Variants in TMEM40 observed in about 807,000 individuals in gnomAD.
The protein encoded by TMEM40 is transmembrane protein 40.
TMEM40 carries 34 observed loss-of-function variants against 40.8 expected under a neutral mutation model. That is an observed-to-expected ratio of 0.83 (90% CI 0.63 to 1.11). The LOEUF (loss-of-function observed/expected upper bound fraction) is 1.11, where lower values mean the gene tolerates loss of function less well. Among genes scored for constraint, TMEM40 ranks in the 50% least tolerant of loss-of-function variants. The pLI, the probability that TMEM40 is intolerant of heterozygous loss-of-function variation, is 0.00. For missense variants in TMEM40, 296 were observed against 280.2 expected (o/e 1.06, Z -0.40); for synonymous variants, 106 against 107.0 (o/e 0.99, Z 0.06).
In TMEM40 at chr3:12,736,626, G is replaced by C. The variant is rs2061339693; in HGVS notation, c.571C>G (p.Leu191Val). ...ADWFMSLGVG[L>V]LTFASLETVG... ...GTTTCCAGGGAGGCGAAGGTGAGCA[G>C]GCCGACCCCAAGAGACATGAACCAG... The change falls in exon 10 of 12, where the codon CTG becomes GTG. Residue 191 changes from leucine (L) to valine (V), a missense_variant. Transcript: ENST00000314124. 6.3e-7 allele frequency: 1 copy of C among 1,583,244 alleles called. No individual in the cohort carries two copies. Among genetic ancestry groups the C allele is most frequent in the Non-Finnish European group, 8.6e-7 (1 of 1,164,476 alleles).
intron 11 of TMEM40, among the ~76,000 whole-genome samples, chr3:12,735,077 C>T (rs1280469986): frequency 6.6e-6 from 1 of 152,168 alleles, no homozygotes; most frequent in Admixed American, 6.6e-5. Flanking sequence ...AGACGATGTG[C>T]TTTCGCCCAG....
At chr3:12,741,077 C>A (rs2061378499) in intron 5 of TMEM40, among the ~76,000 whole-genome samples, 1 of 152,228 alleles carries the variant, frequency 6.6e-6, no homozygotes, top group African/African-American at 2.4e-5. Flanking sequence ...GGCTTCTAGA[C>A]CTACCAGGCT....
intron 3 of TMEM40, among the ~76,000 whole-genome samples, chr3:12,746,909 G>T (rs1378407303): frequency 6.6e-6 from 1 of 152,074 alleles, no homozygotes; most frequent in South Asian, 2.1e-4. Context: ...TCCTGCCCAG[G>T]GAGGAGAAAC....
intron 1 of TMEM40, among the ~76,000 whole-genome samples, chr3:12,757,123 C>T (rs943036012): frequency 4.6e-5 from 7 of 152,100 alleles, no homozygotes; most frequent in Admixed American, 2.0e-4. Context: ...ACAGAGGATT[C>T]GAATAGACAT....
chr3:12,736,033 C>T (rs1575728690), intron 10 of TMEM40, among the ~76,000 whole-genome samples: 2 of 152,214 alleles, frequency 1.3e-5, no homozygotes, highest in Middle Eastern at 3.4e-3. Context: ...GCCTCTTTGG[C>T]ACTTTAAACT....
At chr3:12,753,191 TTTTCTTTC>T (rs1244573677) in intron 1 of TMEM40, among the ~76,000 whole-genome samples, 2 of 143,096 alleles carry the variant, frequency 1.4e-5, no homozygotes. Flanking sequence ...TTTTTGCCTT[TTTTCTTTC>T]TTTCTTTCTT....
At chr3:12,740,546 CA>C (rs780832284) in intron 5 of TMEM40, among the ~76,000 whole-genome samples, 748 of 47,486 alleles carry the variant, frequency 0.016, 2 homozygotes, top group Middle Eastern at 0.047. Context: ...CTAAAAATAC[CA>C]AAAAAAAAAA....
At chr3:12,740,520 T>C (rs1252889040) in intron 5 of TMEM40, among the ~76,000 whole-genome samples, 5 of 132,492 alleles carry the variant, frequency 3.8e-5, no homozygotes, top group Non-Finnish European at 7.8e-5. Context: ...GCTAACACGG[T>C]GAAACCCCAT....
chr3:12,756,362 G>A (rs1356355401), intron 1 of TMEM40, among the ~76,000 whole-genome samples: 1 of 152,070 alleles, frequency 6.6e-6, no homozygotes, highest in Admixed American at 6.6e-5. Context: ...GGGTGCCAAC[G>A]GCATGCTTCT....
At chr3:12,752,573 C>T (rs542742624) in intron 1 of TMEM40, among the ~76,000 whole-genome samples, 18 of 151,932 alleles carry the variant, frequency 1.2e-4, no homozygotes, top group Admixed American at 3.9e-4. Flanking sequence ...CTGAGGCGGG[C>T]GGATCACAAG....
At chr3:12,768,147 C>T (rs1415429437) in intron 1 of TMEM40, among the ~76,000 whole-genome samples, 3 of 152,084 alleles carry the variant, frequency 2.0e-5, no homozygotes, top group South Asian at 2.1e-4. Context: ...CAGACCTTCG[C>T]GGTGAGTGTT....
intron 3 of TMEM40, among the ~76,000 whole-genome samples, 189 bp downstream of exon 3, chr3:12,748,466 C>A (rs1165259863): frequency 1.3e-5 from 2 of 152,142 alleles, no homozygotes; most frequent in African/African-American, 4.8e-5. Flanking sequence ...AAATGGAGGA[C>A]AAAATTGCCT....
chr3:12,747,870 C>T (rs189650052), intron 3 of TMEM40, among the ~76,000 whole-genome samples: 7 of 142,750 alleles, frequency 4.9e-5, no homozygotes, highest in African/African-American at 1.1e-4. Flanking sequence ...AAGATCACGC[C>T]GCTGCACTCT....
upstream of TMEM40, among the ~76,000 whole-genome samples, chr3:12,762,767 C>G (rs1455075166): frequency 1.3e-5 from 2 of 152,184 alleles, no homozygotes; most frequent in Non-Finnish European, 2.9e-5. Flanking sequence ...AATGCAAATT[C>G]TCAGACCCCA....
rs2061356089 is a variant in TMEM40 at position 12,738,580 on chromosome 3, C to T, written c.364G>A (p.Gly122Arg). The T allele has an allele frequency of 6.2e-7, 1 of 1,613,964 alleles. No individual in the cohort carries two copies. The highest frequency in any genetic ancestry group is 1.7e-5 in the Admixed American group (1 of 60,008). ...DELQLYGDAP[G>R]EVVPSGESGL... ...GATTCCCCAGAGGGTACCACCTCTCCAGGAGCATCTGCACAGAAAGGAAAT... is the reference window on the plus strand; with the variant it reads ...GATTCCCCAGAGGGTACCACCTCTCTAGGAGCATCTGCACAGAAAGGAAAT... Residue 122 changes from glycine (G) to arginine (R), a missense_variant, in exon 6 of 12, where the codon GGA (glycine) becomes AGA (arginine). Coordinates refer to ENST00000314124, the MANE Select transcript of TMEM40 (RefSeq NM_018306.4).
chr3:12,736,472 G>T lies in TMEM40; in HGVS notation c.619+106C>A, dbSNP rs148406432. 582 of 1,403,432 alleles carry T rather than the reference G, an allele frequency of 4.1e-4. 3 individuals carry two copies. The African/African-American group carries it at 7.3e-3, about 18-fold the overall frequency. The allele number at this position is 1,403,432 out of a possible 1,614,324, so 86.9% of individuals were successfully genotyped here. On this transcript the variant is annotated intron_variant, in intron 10 of 11. Transcript: ENST00000314124. ...GCCAGAAAATTTTTTTAAAAGTGTA[G>T]ATTGTGACTCTCTGGTCCATACTTG...
At chr3:12,743,864 G>C (rs765962885) in intron 4 of TMEM40, 36 bp downstream of exon 4, 1 of 1,596,418 alleles carries the variant, frequency 6.3e-7, no homozygotes, top group South Asian at 1.1e-5. Flanking sequence ...CGGTGAGCGA[G>C]TGGGCAAAAG....
intron 1 of TMEM40, among the ~76,000 whole-genome samples, chr3:12,755,222 TCTCTC>T (rs2061513673): frequency 1.2e-5 from 1 of 85,688 alleles, no homozygotes; most frequent in African/African-American, 7.3e-5. Context: ...TTTCTCTCTC[TCTCTC>T]TCTCTCTCTT....
At chr3:12,747,689 C>G (rs2061439946) in intron 3 of TMEM40, among the ~76,000 whole-genome samples, 2 of 151,996 alleles carry the variant, frequency 1.3e-5, no homozygotes, top group Admixed American at 1.3e-4. Flanking sequence ...GTGGGCAGAT[C>G]ACCTGAGATC....
Sources: allele counts gnomAD v4.1 joint callset (sites outside exome capture counted in the v4.1 genomes callset), GRCh38; gene constraint gnomAD v4.1.1; transcripts MANE v1.5; gene names NCBI Gene and HGNC (gene_info 2026-07-23, HGNC 2026-07-21).